Variants in GALNTL6 observed in about 807,000 individuals in gnomAD.
The protein encoded by GALNTL6 is polypeptide N-acetylgalactosaminyltransferase like 6, also known as polypeptide N-acetylgalactosaminyltransferase-like 6.
A neutral mutation model predicts 73.7 loss-of-function variants in GALNTL6; 46 were observed. The ratio of observed to expected loss-of-function variants is 0.62; its 90% CI spans 0.49 to 0.80. The LOEUF (loss-of-function observed/expected upper bound fraction) is 0.80. GALNTL6 is among the 30% of genes least tolerant of loss of function. The pLI, the probability that GALNTL6 is intolerant of heterozygous loss-of-function variation, is 0.00. For synonymous variants in GALNTL6, 259 were observed against 263.7 expected, an observed-to-expected ratio of 0.98 and a Z score of 0.17; for missense variants, 604 against 755.0, an observed-to-expected ratio of 0.80 and a Z score of 2.34.
chr4:172,582,382 A>G (rs939796860), intron 5 of GALNTL6, among the ~76,000 whole-genome samples: 15 of 152,150 alleles, frequency 9.9e-5, no homozygotes, highest in African/African-American at 3.4e-4. Context: ...GTATCTTGGT[A>G]TCCGAGGATT....
At chr4:172,720,229 GA>G (rs1284019551) in intron 5 of GALNTL6, among the ~76,000 whole-genome samples, 2 of 152,138 alleles carry the variant, frequency 1.3e-5, no homozygotes, top group African/African-American at 4.8e-5. Context: ...CAATGGCCAT[GA>G]AAATTTAGGC....
At chr4:172,435,640 G>C (rs1278777560) in intron 5 of GALNTL6, among the ~76,000 whole-genome samples, 1 of 151,954 alleles carries the variant, frequency 6.6e-6, no homozygotes, top group Non-Finnish European at 1.5e-5. Flanking sequence ...TTTTTCCCCA[G>C]AAACTAAAAT....
At chr4:172,139,958 A>G (rs1388332323) in intron 2 of GALNTL6, among the ~76,000 whole-genome samples, 1 of 151,936 alleles carries the variant, frequency 6.6e-6, no homozygotes, top group Non-Finnish European at 1.5e-5. Context: ...CTCCATATAT[A>G]TTAGGTGTTC....
chr4:172,680,236 T>A (rs889161124), intron 5 of GALNTL6, among the ~76,000 whole-genome samples: 4 of 152,186 alleles, frequency 2.6e-5, no homozygotes, highest in Admixed American at 6.5e-5. Context: ...GTAGTTTTTT[T>A]AAAAAACTAG....
chr4:172,062,582 C>T (rs563452985), intron 2 of GALNTL6, among the ~76,000 whole-genome samples: 98 of 152,258 alleles, frequency 6.4e-4, no homozygotes, highest in African/African-American at 2.2e-3. Context: ...TAAAGGCTAT[C>T]GATAAATTTT....
intron 2 of GALNTL6, among the ~76,000 whole-genome samples, chr4:172,025,955 T>A (rs923754629): frequency 6.6e-5 from 10 of 152,020 alleles, no homozygotes; most frequent in Non-Finnish European, 1.5e-4. Context: ...GGAGCTATCA[T>A]CTAAGCCAAG....
At chr4:172,125,313 A>G (rs1400552565) in intron 2 of GALNTL6, among the ~76,000 whole-genome samples, 1 of 152,342 alleles carries the variant, frequency 6.6e-6, no homozygotes, top group Admixed American at 6.5e-5. Context: ...GAAATATGGC[A>G]CAAATAGAAA....
At chr4:172,229,797 T>G in intron 3 of GALNTL6, 33 bp downstream of exon 3, 1 of 1,296,674 alleles carries the variant, frequency 7.7e-7, no homozygotes, top group South Asian at 1.2e-5. Flanking sequence ...AAGTGCTATT[T>G]CACTCGCAGC....
chr4:171,995,888 A>G (rs1207956941), intron 2 of GALNTL6, among the ~76,000 whole-genome samples: 1 of 152,114 alleles, frequency 6.6e-6, no homozygotes, highest in Non-Finnish European at 1.5e-5. Context: ...GCCTTTAGTA[A>G]CATCTGACAA....
At chr4:172,187,915 C>T (rs72700992) in intron 2 of GALNTL6, among the ~76,000 whole-genome samples, 1 of 152,134 alleles carries the variant, frequency 6.6e-6, no homozygotes, top group East Asian at 1.9e-4. Context: ...CACCAAGACA[C>T]AATGTCAAGT....
chr4:172,085,402 T>C (rs1732001919), intron 2 of GALNTL6, among the ~76,000 whole-genome samples: 1 of 152,008 alleles, frequency 6.6e-6, no homozygotes, highest in African/African-American at 2.4e-5. Context: ...AAATATGAAA[T>C]ACATTACAGG....
intron 2 of GALNTL6, among the ~76,000 whole-genome samples, chr4:171,950,451 G>T (rs1300282199): frequency 6.6e-6 from 1 of 151,058 alleles, no homozygotes; most frequent in Admixed American, 6.6e-5. Flanking sequence ...GACACAGATA[G>T]GTGGGTGAGC....
intron 2 of GALNTL6, among the ~76,000 whole-genome samples, chr4:171,910,448 C>T (rs138082701): frequency 2.0e-5 from 3 of 151,226 alleles, no homozygotes; most frequent in African/African-American, 7.3e-5. Context: ...ATTCTTTTGA[C>T]GTGGGTTTTA....
chr4:171,934,867 CTG>C (rs1738295546), intron 2 of GALNTL6, among the ~76,000 whole-genome samples: 1 of 152,148 alleles, frequency 6.6e-6, no homozygotes, highest in African/African-American at 2.4e-5. Flanking sequence ...TTGGTGGAAA[CTG>C]TGAAAAACTG....
intron 5 of GALNTL6, among the ~76,000 whole-genome samples, chr4:172,433,826 G>C (rs1039354652): frequency 6.6e-6 from 1 of 151,966 alleles, no homozygotes; most frequent in African/African-American, 2.4e-5. Context: ...TAATTGATTT[G>C]TGTTGCGCAA....
chr4:172,902,188 T>C (rs1746663247), intron 8 of GALNTL6, among the ~76,000 whole-genome samples: 1 of 152,162 alleles, frequency 6.6e-6, no homozygotes, highest in Non-Finnish European at 1.5e-5. Flanking sequence ...TGTTGTCTAC[T>C]GTTTAAGTTA....
chr4:172,060,205 G>C (rs530394961), intron 2 of GALNTL6, among the ~76,000 whole-genome samples: 33 of 151,988 alleles, frequency 2.2e-4, no homozygotes, highest in Non-Finnish European at 4.6e-4. Flanking sequence ...AGAGAAAGAG[G>C]ACATAGTTAA....
chr4:172,534,351 T>A (rs1020536057), intron 5 of GALNTL6, among the ~76,000 whole-genome samples: 1 of 152,126 alleles, frequency 6.6e-6, no homozygotes, highest in African/African-American at 2.4e-5. Context: ...ACAGAAGCAA[T>A]CATATTTTAA....
chr4:171,929,838 A>G (rs1357315316), intron 2 of GALNTL6, among the ~76,000 whole-genome samples: 1 of 152,206 alleles, frequency 6.6e-6, no homozygotes, highest in Non-Finnish European at 1.5e-5. Flanking sequence ...CAGCGAATCC[A>G]GCAGCAGCCC....
Sources: allele counts gnomAD v4.1 joint callset (sites outside exome capture counted in the v4.1 genomes callset), GRCh38; gene constraint gnomAD v4.1.1; transcripts MANE v1.5; gene names NCBI Gene and HGNC (gene_info 2026-07-23, HGNC 2026-07-21).